DNAH5: variants seen among roughly 807,000 people sequenced by gnomAD.
DNAH5 encodes the protein axonemal beta dynein heavy chain 5.
A neutral mutation model predicts 518.2 loss-of-function variants in DNAH5; 372 were observed. The ratio of observed to expected loss-of-function variants is 0.72; its 90% confidence interval spans 0.66 to 0.78. The LOEUF (loss-of-function observed/expected upper bound fraction) is 0.78, where lower values mean the gene tolerates loss of function less well. Among genes scored for constraint, DNAH5 ranks in the 30% least tolerant of loss-of-function variants. The pLI, the probability that DNAH5 is intolerant of heterozygous loss-of-function variation, is 0.00. For missense variants in DNAH5, 5,523 were observed against 5,687.0 expected (o/e 0.97, Z 0.93); for synonymous variants, 2,039 against 2,025.9 (o/e 1.01, Z -0.17).
At chr5:13,995,273 C>T (rs1346589601) in intron 1 of DNAH5, among the ~76,000 whole-genome samples, 1 of 152,220 alleles carries the variant, frequency 6.6e-6, no homozygotes, top group African/African-American at 2.4e-5. Flanking sequence ...CGGGCAATTA[C>T]AGACAATGCC....
intron 68 of DNAH5, among the ~76,000 whole-genome samples, chr5:13,732,293 A>G (rs536883775): frequency 6.6e-6 from 1 of 152,258 alleles, no homozygotes; most frequent in East Asian, 1.9e-4. Flanking sequence ...GTGTCTGGTG[A>G]GAGCTCACTT....
chr5:13,849,181 G>C (rs1264583385), intron 31 of DNAH5, among the ~76,000 whole-genome samples: 1 of 152,202 alleles, frequency 6.6e-6, no homozygotes, highest in Non-Finnish European at 1.5e-5. Context: ...GCTGTATGCT[G>C]AAGCCTGTGA....
intron 78 of DNAH5, among the ~76,000 whole-genome samples, chr5:13,700,117 C>A (rs1014768233): frequency 1.3e-5 from 2 of 152,166 alleles, no homozygotes; most frequent in Non-Finnish European, 2.9e-5. Context: ...AAACCAAATG[C>A]CTCTGAATTC....
At chr5:13,876,100 A>T (rs914223475) in intron 22 of DNAH5, among the ~76,000 whole-genome samples, 1 of 152,190 alleles carries the variant, frequency 6.6e-6, no homozygotes, top group African/African-American at 2.4e-5. Flanking sequence ...TTTGTCTGTA[A>T]AATAGATTTG....
chr5:13,951,940 A>G (rs147999633), intron 1 of DNAH5, among the ~76,000 whole-genome samples: 1 of 152,356 alleles, frequency 6.6e-6, no homozygotes, highest in East Asian at 1.9e-4. Context: ...GATATCATGA[A>G]AATGGTAACT....
chr5:13,794,230 T>A (rs1371473274), intron 47 of DNAH5, among the ~76,000 whole-genome samples, 172 bp from the exon 48 acceptor site: 1 of 152,264 alleles, frequency 6.6e-6, no homozygotes, highest in African/African-American at 2.4e-5. Context: ...TTATCTTGTA[T>A]AACATTCACA....
intron 31 of DNAH5, among the ~76,000 whole-genome samples, chr5:13,846,453 A>G (rs911469337): frequency 1.3e-5 from 2 of 152,154 alleles, no homozygotes; most frequent in African/African-American, 4.8e-5. Context: ...CAGAAACCGG[A>G]GCCTGATGGC....
chr5:13,923,084 T>C (rs1176379030), intron 4 of DNAH5, among the ~76,000 whole-genome samples, 196 bp downstream of exon 4: 1 of 152,246 alleles, frequency 6.6e-6, no homozygotes, highest in Non-Finnish European at 1.5e-5. Flanking sequence ...ATAAATTGAA[T>C]ATTAAGTCCT....
intron 30 of DNAH5, among the ~76,000 whole-genome samples, chr5:13,851,589 C>A (rs937899061): frequency 6.6e-6 from 1 of 152,148 alleles, no homozygotes; most frequent in Non-Finnish European, 1.5e-5. Context: ...GGATTACAAG[C>A]ATGAGCCACT....
chr5:13,786,182 G>T lies in DNAH5; in HGVS notation c.8817C>A (p.Val2939=). ...CTACTCAGAGTGGCTACTGTACCTTGACTAAGTGAACCATGGCATCTGCAA... is the reference window on the plus strand; with the variant it reads ...CTACTCAGAGTGGCTACTGTACCTTTACTAAGTGAACCATGGCATCTGCAA... ...VFFADAMVHL[V]KISRVIRTPQ... is the part of the protein sequence containing the mutation. Residue 2939 remains valine (V), a synonymous_variant, in exon 52 of 79, where the codon GTC becomes GTA. Transcript: ENST00000265104. 6.2e-7 allele frequency: 1 copy of T among 1,613,832 alleles called. No homozygotes were observed. The highest frequency in any genetic ancestry group is 1.1e-5 in the South Asian group (1 of 91,050).
At chr5:14,010,229 G>A (rs7704171) in intron 1 of DNAH5, among the ~76,000 whole-genome samples, 3,499 of 152,200 alleles carry the variant, frequency 0.023, 61 homozygotes, top group South Asian at 0.045. Context: ...GATGAAAAGA[G>A]GTATGTCAAT....
At chr5:13,940,109 C>T (rs1424941831) in intron 1 of DNAH5, among the ~76,000 whole-genome samples, 5 of 152,142 alleles carry the variant, frequency 3.3e-5, no homozygotes, top group African/African-American at 4.8e-5. Context: ...TTAGCATTTA[C>T]GATGTGTGAA....
chr5:13,855,893 C>A (rs2652773), intron 30 of DNAH5, among the ~76,000 whole-genome samples: 147,964 of 152,274 alleles, frequency 0.97, 71,905 homozygotes, highest in Non-Finnish European at 0.98. Flanking sequence ...CTCCTGAATG[C>A]CTACTGGGTA....
At chr5:13,907,100 C>G (rs1333685521) in intron 12 of DNAH5, among the ~76,000 whole-genome samples, 1 of 151,974 alleles carries the variant, frequency 6.6e-6, no homozygotes, top group Non-Finnish European at 1.5e-5. Context: ...GTGGGGTGAA[C>G]GCAAGTTCAC....
intron 31 of DNAH5, among the ~76,000 whole-genome samples, chr5:13,846,469 C>T (rs1296112037): frequency 6.6e-6 from 1 of 152,138 alleles, no homozygotes; most frequent in African/African-American, 2.4e-5. Flanking sequence ...ATGGCAACCT[C>T]CCAGGGCATG....
chr5:13,744,833 GTAT>G (rs1247753911), intron 65 of DNAH5, among the ~76,000 whole-genome samples: 1 of 151,984 alleles, frequency 6.6e-6, no homozygotes, highest in Non-Finnish European at 1.5e-5. Context: ...ATTCTTAAAG[GTAT>G]CACACAGCCT....
In DNAH5 at chr5:13,841,917, CCAAA is replaced by C; in HGVS notation, c.5272-17_5272-14del. 1.4e-5 allele frequency: 6 copies of C among 436,908 alleles called. No individual in the cohort carries two copies. The highest frequency in any genetic ancestry group is 6.1e-4 in the Middle Eastern group (1 of 1,632). 27.1% of individuals were successfully genotyped at this position (436,908 alleles called of 1,614,324 possible). On this transcript the variant is annotated splice_polypyrimidine_tract_variant and intron_variant, in intron 32 of 78. Coordinates refer to ENST00000265104, the MANE Select transcript of DNAH5 (RefSeq NM_001369.3). The stretch of plus-strand genomic sequence containing the variant: ...TTCGATCATAGATCTATGTTAGAAA[CCAAA>C]AAAAAAAAAAAAAAAAGCTATAGTC...
intron 1 of DNAH5, among the ~76,000 whole-genome samples, chr5:13,998,784 TGGGCA>T (rs1784140563): frequency 6.6e-6 from 1 of 152,218 alleles, no homozygotes; most frequent in Non-Finnish European, 1.5e-5. Flanking sequence ...AGGGAGCTAG[TGGGCA>T]GGGCTGGGAT....
intron 12 of DNAH5, among the ~76,000 whole-genome samples, chr5:13,905,665 T>C (rs1775196347): frequency 2.6e-5 from 4 of 152,122 alleles, no homozygotes; most frequent in South Asian, 2.1e-4. Flanking sequence ...CTCTAATTCA[T>C]TGCCAGTGGG....
Sources: allele counts gnomAD v4.1 joint callset (sites outside exome capture counted in the v4.1 genomes callset), GRCh38; gene constraint gnomAD v4.1.1; transcripts MANE v1.5; gene names NCBI Gene and HGNC (gene_info 2026-07-23, HGNC 2026-07-21).